Variants in LOC400499 observed in about 807,000 individuals in gnomAD.
At chr16:11,418,152 C>T in the LOC400499 span, among the ~76,000 whole-genome samples, 4 of 152,070 alleles carry the variant, frequency 2.6e-5, no homozygotes, top group East Asian at 5.8e-4. Flanking sequence ...CTGGCTGGTG[C>T]GAAACAGGTT....
At chr16:11,514,665 C>T in the LOC400499 span, 73 of 397,776 alleles carry the variant, frequency 1.8e-4, no homozygotes, top group Admixed American at 3.1e-4. Flanking sequence ...CCCCACTCAG[C>T]GAGGCTGGGG....
the LOC400499 span, among the ~76,000 whole-genome samples, chr16:11,495,680 T>C: frequency 0.012 from 1,891 of 152,316 alleles, 43 homozygotes; most frequent in African/African-American, 0.043. Flanking sequence ...GTGCCTAGTC[T>C]AGACCAACAA....
chr16:11,381,423 T>TA, the LOC400499 span, among the ~76,000 whole-genome samples: 1 of 152,040 alleles, frequency 6.6e-6, no homozygotes. Context: ...TTGAGTTCTT[T>TA]ATATATTCTA....
At chr16:11,512,031 G>A in the LOC400499 span, among the ~76,000 whole-genome samples, 1 of 152,112 alleles carries the variant, frequency 6.6e-6, no homozygotes, top group Non-Finnish European at 1.5e-5. Context: ...GCTCATGTTT[G>A]TAATCCCAGC....
At chr16:11,513,396 A>C in the LOC400499 span, among the ~76,000 whole-genome samples, 1 of 109,546 alleles carries the variant, frequency 9.1e-6, no homozygotes, top group African/African-American at 3.4e-5. Context: ...ACAGAACGAG[A>C]CTGTGTCTCC....
At chr16:11,373,937 C>T in the LOC400499 span, among the ~76,000 whole-genome samples, 1 of 152,120 alleles carries the variant, frequency 6.6e-6, no homozygotes, top group Non-Finnish European at 1.5e-5. Context: ...ACCCTTCTAG[C>T]CCTCATCTGG....
At chr16:11,514,682 C>A in the LOC400499 span, 1 of 397,798 alleles carries the variant, frequency 2.5e-6, no homozygotes, top group South Asian at 1.4e-4. Flanking sequence ...GGGGAGGAGA[C>A]CCTGAGGGCT....
chr16:11,420,037 G>A, the LOC400499 span, among the ~76,000 whole-genome samples: 22 of 149,660 alleles, frequency 1.5e-4, no homozygotes, highest in African/African-American at 5.0e-4. Context: ...TCAGTGTGGC[G>A]ATTCCTCAGG....
chr16:11,439,496 T>G, the LOC400499 span: 1 of 398,738 alleles, frequency 2.5e-6, no homozygotes, highest in Non-Finnish European at 4.4e-6. Flanking sequence ...CACCTGGAAG[T>G]TTGGAGGAAA....
the LOC400499 span, among the ~76,000 whole-genome samples, chr16:11,483,236 G>T: frequency 6.6e-6 from 1 of 152,158 alleles, no homozygotes; most frequent in Non-Finnish European, 1.5e-5. Context: ...ACAACCACTT[G>T]GGAGAATGGT....
the LOC400499 span, chr16:11,383,879 C>T: frequency 8.1e-7 from 1 of 1,232,228 alleles, no homozygotes; most frequent in Non-Finnish European, 1.0e-6. Context: ...GCCAGGCTCA[C>T]ACTCACCACC....
At chr16:11,380,481 G>A in the LOC400499 span, among the ~76,000 whole-genome samples, 2 of 152,010 alleles carry the variant, frequency 1.3e-5, no homozygotes, top group East Asian at 3.9e-4. Flanking sequence ...TCGGGAGGCT[G>A]CACCACTGCA....
the LOC400499 span, among the ~76,000 whole-genome samples, chr16:11,468,099 A>T: frequency 5.4e-5 from 8 of 147,558 alleles, no homozygotes; most frequent in Admixed American, 4.8e-4. Context: ...GGAAAAAAAA[A>T]ACAAAAAACA....
the LOC400499 span, chr16:11,404,821 G>A: frequency 9.0e-5 from 36 of 398,996 alleles, no homozygotes; most frequent in Middle Eastern, 6.3e-4. Context: ...CCATGAGCTC[G>A]CTCGTATGCG....
At chr16:11,404,386 G>A in the LOC400499 span, among the ~76,000 whole-genome samples, 8 of 152,028 alleles carry the variant, frequency 5.3e-5, no homozygotes, top group Non-Finnish European at 1.0e-4. Context: ...TCTCACTCTC[G>A]CTCAGGCTGG....
the LOC400499 span, among the ~76,000 whole-genome samples, chr16:11,489,770 G>C: frequency 1.3e-5 from 2 of 152,176 alleles, no homozygotes; most frequent in Non-Finnish European, 2.9e-5. Context: ...AAGGCAGAGA[G>C]GTGTATCTTC....
chr16:11,462,341 G>A, the LOC400499 span: 2 of 1,436,494 alleles, frequency 1.4e-6, no homozygotes, highest in Non-Finnish European at 1.8e-6. Flanking sequence ...GGACAGGCTT[G>A]GCCAGCAGGC....
chr16:11,468,349 G>T, the LOC400499 span, among the ~76,000 whole-genome samples: 1 of 152,054 alleles, frequency 6.6e-6, no homozygotes, highest in Non-Finnish European at 1.5e-5. Context: ...TGAGAGACAG[G>T]GTCTTACTTT....
At chr16:11,409,263 A>G in the LOC400499 span, among the ~76,000 whole-genome samples, 1 of 152,166 alleles carries the variant, frequency 6.6e-6, no homozygotes, top group Non-Finnish European at 1.5e-5. Flanking sequence ...TTCATCTCAA[A>G]AAAAGAAAAA....
Sources: allele counts gnomAD v4.1 joint callset (sites outside exome capture counted in the v4.1 genomes callset), GRCh38; gene constraint gnomAD v4.1.1; transcripts MANE v1.5.